Variants in FAM114A1 observed in about 807,000 individuals in gnomAD.
FAM114A1 encodes family with sequence similarity 114 member A1.
In FAM114A1, 62 loss-of-function variants were observed where a neutral mutation model predicts 64.3. The ratio of observed to expected loss-of-function variants is 0.96; its 90% CI spans 0.79 to 1.19. The LOEUF is 1.19. FAM114A1 is among the 50% of genes most tolerant of loss of function. The pLI, the probability that FAM114A1 is intolerant of heterozygous loss-of-function variation, is 0.00. For missense variants in FAM114A1, 645 were observed against 676.3 expected (o/e 0.95, Z 0.51); for synonymous variants, 254 against 251.1 (o/e 1.01, Z -0.11).
chr4:38,897,352 T>C (rs1236933175), intron 4 of FAM114A1, among the ~76,000 whole-genome samples: 1 of 152,228 alleles, frequency 6.6e-6, no homozygotes, highest in Non-Finnish European at 1.5e-5. Context: ...TTGTGCCCAC[T>C]GTGCTAAGTG....
intron 9 of FAM114A1, among the ~76,000 whole-genome samples, chr4:38,923,638 A>T (rs1014918133): frequency 1.6e-4 from 25 of 152,126 alleles, no homozygotes; most frequent in African/African-American, 5.8e-4. Flanking sequence ...CTTTTAATTT[A>T]TAGGTGTAAG....
At chr4:38,902,868 A>G (rs1158588842) in intron 4 of FAM114A1, among the ~76,000 whole-genome samples, 1 of 152,180 alleles carries the variant, frequency 6.6e-6, no homozygotes, top group African/African-American at 2.4e-5. Flanking sequence ...GTGACTTCAT[A>G]TTATTATTTT....
In FAM114A1 at chr4:38,945,023, C is replaced by G. The variant is rs758836557; in HGVS notation, c.*1466C>G. The G allele has an allele frequency of 6.6e-6, 1 of 152,092 alleles. No individual in the cohort carries two copies. Among genetic ancestry groups the G allele is most frequent in the Non-Finnish European group, 1.5e-5 (1 of 68,020 alleles). The allele number at this position is 152,092 out of a possible 1,614,324, so 9.4% of individuals were successfully genotyped here. ...TCCTATACTCTTTACACTATTTTAT[C>G]CCAAACTATGTATATGAGGTGAAAA... On this transcript the variant is annotated 3_prime_UTR_variant, in exon 15 of 15. Coordinates refer to ENST00000358869, the MANE Select transcript of FAM114A1 (RefSeq NM_138389.4).
intron 9 of FAM114A1, among the ~76,000 whole-genome samples, chr4:38,925,907 G>C (rs1305169636): frequency 2.0e-5 from 3 of 151,142 alleles, no homozygotes; most frequent in African/African-American, 7.3e-5. Flanking sequence ...AACTTGCTTT[G>C]TATGTTTTAC....
At chr4:38,873,512 C>T (rs886240554) in intron 2 of FAM114A1, among the ~76,000 whole-genome samples, 3 of 152,002 alleles carry the variant, frequency 2.0e-5, no homozygotes, top group Non-Finnish European at 2.9e-5. Flanking sequence ...ATAGAATTTA[C>T]AAATCATAGG....
At chr4:38,924,365 C>T (rs1380782867) in intron 9 of FAM114A1, among the ~76,000 whole-genome samples, 10 of 152,262 alleles carry the variant, frequency 6.6e-5, no homozygotes, top group East Asian at 3.9e-4. Flanking sequence ...TGTTATTACC[C>T]GGCATGCAAA....
chr4:38,940,832 T>C, intron 13 of FAM114A1, 136 bp from the exon 14 acceptor site: 1 of 852,518 alleles, frequency 1.2e-6, no homozygotes. Flanking sequence ...TGAAGCCTGG[T>C]CTGTAGGAAG....
At chr4:38,873,387 C>T (rs1252601649) in intron 2 of FAM114A1, among the ~76,000 whole-genome samples, 2 of 152,190 alleles carry the variant, frequency 1.3e-5, no homozygotes, top group African/African-American at 2.4e-5. Flanking sequence ...AGTGTCTGTA[C>T]ACAAATATTA....
rs1721817243 is a variant in FAM114A1 at position 38,944,481 on chromosome 4, A to T, written c.*924A>T. On this transcript the variant is annotated 3_prime_UTR_variant, in exon 15 of 15. Transcript: ENST00000358869. ...ATATTCTGAAAAAGAATAATTCTTA[A>T]ACTGCTTAAAACAGGGGTCCCCACC... 1.3e-5 allele frequency: 2 copies of T among 152,254 alleles called. No individual in the cohort carries two copies. Among genetic ancestry groups the T allele is most frequent in the Non-Finnish European group, 2.9e-5 (2 of 68,110 alleles). The allele number at this position is 152,254 out of a possible 1,614,324, so 9.4% of individuals were successfully genotyped here. A position where few individuals can be genotyped will look rare whatever the true frequency, so the allele number is the denominator to read the frequency against.
chr4:38,905,681 A>T (rs376696883), intron 5 of FAM114A1, 46 bp downstream of exon 5: 5 of 1,607,552 alleles, frequency 3.1e-6, no homozygotes, highest in Non-Finnish European at 4.3e-6. Context: ...TTATTACACC[A>T]TGTGCATAAT....
intron 8 of FAM114A1, among the ~76,000 whole-genome samples, chr4:38,918,548 A>T (rs1420145737): frequency 6.6e-6 from 1 of 152,358 alleles, no homozygotes; most frequent in Non-Finnish European, 1.5e-5. Context: ...GTCCCATGCA[A>T]TATTTGGGAC....
At position 38,945,005 on chromosome 4, in the gene FAM114A1, C is replaced by T. The variant is rs1485364459; in HGVS notation, c.*1448C>T. 6.6e-6 allele frequency: 1 copy of T among 152,148 alleles called. No homozygotes were observed. Among genetic ancestry groups the T allele is most frequent in the East Asian group, 1.9e-4 (1 of 5,206 alleles). 9.4% of individuals were successfully genotyped at this position (152,148 alleles called of 1,614,324 possible). On this transcript the variant is annotated 3_prime_UTR_variant, in exon 15 of 15. Transcript: ENST00000358869. ...CTTTAATTTGTTGCATTTTCCTATA[C>T]TCTTTACACTATTTTATCCCAAACT... is the stretch of plus-strand genomic sequence containing the variant.
Position 38,891,794 on chromosome 4 carries a change from G to A in FAM114A1, c.400G>A (p.Gly134Ser). 1 of 1,612,342 alleles carries A rather than the reference G, an allele frequency of 6.2e-7. No homozygotes were observed. The change falls in exon 4 of 15, where the codon GGC becomes AGC. Residue 134 changes from glycine (G) to serine (S), a missense_variant. By Grantham distance (56) the Gly-to-Ser change is moderately conservative. Coordinates refer to ENST00000358869, the MANE Select transcript of FAM114A1 (RefSeq NM_138389.4). The stretch of plus-strand genomic sequence containing the variant: ...AGGATGGGCAGGCTGGGGATCCTGG[G>A]GCAAATCTCTGCTGTCGTCAGCATC... The part of the protein sequence containing the change: ...GGGWAGWGSW[G>S]KSLLSSASAT...
At chr4:38,870,238 C>T (rs1713903073) in intron 2 of FAM114A1, among the ~76,000 whole-genome samples, 1 of 152,212 alleles carries the variant, frequency 6.6e-6, no homozygotes, top group Admixed American at 6.5e-5. Context: ...TCACTACAGT[C>T]CATCGCTGAT....
intron 3 of FAM114A1, among the ~76,000 whole-genome samples, chr4:38,888,943 AAT>A (rs1393825384): frequency 1.3e-5 from 2 of 152,206 alleles, no homozygotes; most frequent in African/African-American, 2.4e-5. Context: ...TTTTATATTA[AAT>A]ATGTGTATTT....
chr4:38,912,778 T>A (rs903473500), intron 7 of FAM114A1, among the ~76,000 whole-genome samples: 1 of 152,192 alleles, frequency 6.6e-6, no homozygotes, highest in African/African-American at 2.4e-5. Context: ...GAAGCCCACA[T>A]TCGGAGGTGG....
intron 12 of FAM114A1, among the ~76,000 whole-genome samples, chr4:38,934,707 A>G (rs1030240998): frequency 6.6e-6 from 1 of 152,196 alleles, no homozygotes; most frequent in East Asian, 1.9e-4. Flanking sequence ...ATTTGTGTGT[A>G]TCTTGCATTG....
chr4:38,934,020 T>G (rs1033806589), intron 12 of FAM114A1, among the ~76,000 whole-genome samples: 1 of 152,192 alleles, frequency 6.6e-6, no homozygotes, highest in East Asian at 1.9e-4. Context: ...TCAAAGTTAT[T>G]ATAAGAACCA....
At chr4:38,903,112 T>G (rs11937591) in intron 4 of FAM114A1, among the ~76,000 whole-genome samples, 2,407 of 152,294 alleles carry the variant, frequency 0.016, 80 homozygotes, top group African/African-American at 0.054. Flanking sequence ...AGAAAAAGAA[T>G]TGTTAATAAG....
Sources: gnomAD v4.1 joint callset for allele counts (sites outside exome capture counted in the v4.1 genomes callset) on GRCh38, gnomAD v4.1.1 for gene constraint, MANE v1.5 for transcripts, NCBI Gene and HGNC (gene_info 2026-07-23, HGNC 2026-07-21) for gene names.